Variants in IGF2BP2 observed in about 807,000 individuals in gnomAD.
IGF2BP2 encodes the protein insulin like growth factor 2 mRNA binding protein 2.
IGF2BP2 carries 17 observed loss-of-function variants against 75.8 expected under a neutral mutation model. The ratio of observed to expected loss-of-function variants is 0.22; its 90% confidence interval spans 0.15 to 0.34. IGF2BP2 has a LOEUF of 0.34. Among genes scored for constraint, IGF2BP2 ranks in the 10% least tolerant of loss-of-function variants. IGF2BP2 has a pLI of 1.00. For missense variants in IGF2BP2, 516 were observed against 772.4 expected (o/e 0.67, Z 3.93); for synonymous variants, 288 against 295.6 (o/e 0.97, Z 0.26).
At chr3:185,699,462 C>G (rs1410156003) in intron 2 of IGF2BP2, among the ~76,000 whole-genome samples, 1 of 152,108 alleles carries the variant, frequency 6.6e-6, no homozygotes, top group African/African-American at 2.4e-5. Context: ...ATTTTTATTT[C>G]TGAATAGGTA....
intron 2 of IGF2BP2, among the ~76,000 whole-genome samples, chr3:185,813,671 G>A (rs1740213411): frequency 6.6e-6 from 1 of 152,178 alleles, no homozygotes; most frequent in Non-Finnish European, 1.5e-5. Flanking sequence ...AGCCTACAAC[G>A]TTAGACCCCT....
rs115502515 is a variant in IGF2BP2 at position 185,701,720 on chromosome 3, C to T, written c.240-3373G>A. Among the ~76,000 whole-genome samples the T allele has an allele frequency of 2.3e-3, 347 of 152,304 alleles. 1 individual carries two copies. The highest frequency in any genetic ancestry group is 6.8e-3 in the Middle Eastern group (2 of 292). On this transcript the variant is annotated intron_variant, in intron 2 of 15. Transcript: ENST00000382199. ...ACTTGGAGGAATAATCTCTTAAAAG[C>T]TGGACTGTCGCACCTCTGATCTCAG...
At chr3:185,675,114 G>A (rs377710596) in intron 9 of IGF2BP2, 182 bp downstream of exon 9, 32 of 443,624 alleles carry the variant, frequency 7.2e-5, no homozygotes, top group East Asian at 3.3e-4. Flanking sequence ...ATGTCTTCAC[G>A]TGATGTTGTC....
At chr3:185,781,479 TAA>T (rs893896320) in intron 2 of IGF2BP2, among the ~76,000 whole-genome samples, 48 of 152,348 alleles carry the variant, frequency 3.2e-4, no homozygotes, top group African/African-American at 1.1e-3. Context: ...TTTGTGAAGT[TAA>T]ACTCTTTTTA....
intron 2 of IGF2BP2, among the ~76,000 whole-genome samples, chr3:185,819,556 C>CT (rs1379316815): frequency 3.3e-5 from 5 of 151,824 alleles, no homozygotes; most frequent in African/African-American, 4.8e-5. Context: ...AGGGTATTAC[C>CT]TAGCACCATG....
chr3:185,700,328 G>T (rs1247925727), intron 2 of IGF2BP2, among the ~76,000 whole-genome samples: 1 of 152,144 alleles, frequency 6.6e-6, no homozygotes, highest in Non-Finnish European at 1.5e-5. Flanking sequence ...CACCATTCTA[G>T]CTCCCATATA....
intron 12 of IGF2BP2, among the ~76,000 whole-genome samples, chr3:185,652,886 A>G (rs1432790280): frequency 1.3e-5 from 2 of 152,086 alleles, no homozygotes; most frequent in Non-Finnish European, 2.9e-5. Context: ...ATCTCAGCTC[A>G]CTACAACCTC....
intron 2 of IGF2BP2, chr3:185,717,475 C>T (rs1355332423): frequency 6.6e-6 from 1 of 152,256 alleles, no homozygotes; most frequent in Non-Finnish European, 1.5e-5. Context: ...GTGGTTTACT[C>T]TGAGAATAGG....
At chr3:185,646,869 G>A in intron 15 of IGF2BP2, 156 bp downstream of exon 15, 1 of 637,460 alleles carries the variant, frequency 1.6e-6, no homozygotes, top group Non-Finnish European at 2.8e-6. Context: ...CCCTGCCCCG[G>A]GGGCCATCCC....
Position 185,805,998 on chromosome 3 carries a change from T to TGCCTGATCTCAGGTGATCCACCCGCCTCA in IGF2BP2, c.239+17126_239+17154dup, listed in dbSNP as rs1440837979. ...CCATGTTGGCCAGGCTGGTCTCAAA[T>TGCCTGATCTCAGGTGATCCACCCGCCTCA]GCCTGATCTCAGGTGATCCACCCGC... is the stretch of plus-strand genomic sequence containing the variant. On this transcript the variant is annotated intron_variant, in intron 2 of 15. Transcript: ENST00000382199. Among the ~76,000 whole-genome samples, 11 of 151,682 alleles carry TGCCTGATCTCAGGTGATCCACCCGCCTCA rather than the reference T, an allele frequency of 7.3e-5. 1 individual carries two copies. Among genetic ancestry groups the TGCCTGATCTCAGGTGATCCACCCGCCTCA allele is most frequent in the African/African-American group, 2.4e-4 (10 of 41,332 alleles).
At chr3:185,791,067 T>C (rs188201175) in intron 2 of IGF2BP2, among the ~76,000 whole-genome samples, 7 of 152,334 alleles carry the variant, frequency 4.6e-5, no homozygotes, top group Non-Finnish European at 1.5e-5. Context: ...AGTTTCTAGA[T>C]GACAATTGAC....
chr3:185,661,930 A>C (rs1394945172), intron 10 of IGF2BP2, among the ~76,000 whole-genome samples: 2 of 152,156 alleles, frequency 1.3e-5, no homozygotes, highest in African/African-American at 4.8e-5. Context: ...CATTCTAAGC[A>C]GGGTTCTAGG....
chr3:185,723,646 C>G lies in IGF2BP2; in HGVS notation c.240-25299G>C, dbSNP rs537790467. ...AGTGTTTTTGATGTCTAGCTCTGAA[C>G]AGGCGCTGAGAGCTCCAAACTTGTG... On this transcript the variant is annotated intron_variant, in intron 2 of 15. Coordinates refer to ENST00000382199, the MANE Select transcript of IGF2BP2 (RefSeq NM_006548.6). 1.4e-4 allele frequency among the ~76,000 whole-genome samples: 22 copies of G among 152,344 alleles called. No homozygotes were observed. The South Asian group carries it at 4.1e-3, about 29-fold the overall frequency.
chr3:185,668,126 T>C (rs752054467), intron 10 of IGF2BP2, among the ~76,000 whole-genome samples: 12 of 152,228 alleles, frequency 7.9e-5, no homozygotes, highest in Non-Finnish European at 1.2e-4. Context: ...ATATTCATTT[T>C]GACATTGTCT....
chr3:185,815,579 G>C (rs1345947661), intron 2 of IGF2BP2, among the ~76,000 whole-genome samples: 5 of 152,156 alleles, frequency 3.3e-5, no homozygotes, highest in Admixed American at 3.3e-4. Flanking sequence ...GCCTAGTCCA[G>C]TGCCTAGCAC....
chr3:185,690,841 T>G (rs1721851154), intron 5 of IGF2BP2, among the ~76,000 whole-genome samples: 2 of 152,370 alleles, frequency 1.3e-5, no homozygotes, highest in South Asian at 4.1e-4. Flanking sequence ...ATTCTTAAAA[T>G]GACACACGAA....
chr3:185,771,518 TA>T (rs201036625), intron 2 of IGF2BP2, among the ~76,000 whole-genome samples: 4,765 of 152,204 alleles, frequency 0.031, 115 homozygotes, highest in Middle Eastern at 0.054. Flanking sequence ...GAGACTCTGC[TA>T]AAACATGTAG....
intron 2 of IGF2BP2, among the ~76,000 whole-genome samples, chr3:185,794,531 C>G (rs939240400): frequency 3.9e-5 from 6 of 152,230 alleles, no homozygotes; most frequent in South Asian, 4.1e-4. Context: ...ATTCCTTACC[C>G]TAGACTTTAC....
At chr3:185,750,189 T>C (rs926361764) in intron 2 of IGF2BP2, among the ~76,000 whole-genome samples, 1 of 152,150 alleles carries the variant, frequency 6.6e-6, no homozygotes, top group Non-Finnish European at 1.5e-5. Flanking sequence ...GGCTTATCTA[T>C]TATGTAGTGT....
Sources: gnomAD v4.1 joint callset for allele counts (sites outside exome capture counted in the v4.1 genomes callset) on GRCh38, gnomAD v4.1.1 for gene constraint, MANE v1.5 for transcripts, NCBI Gene and HGNC (gene_info 2026-07-23, HGNC 2026-07-21) for gene names.